SGCD: variants seen among roughly 807,000 people sequenced by gnomAD.
The protein encoded by SGCD is delta-sarcoglycan.
A neutral mutation model predicts 36.6 loss-of-function variants in SGCD; 18 were observed. The observed-to-expected ratio is 0.49, with a 90% CI of 0.34 to 0.73. The LOEUF (loss-of-function observed/expected upper bound fraction) is 0.73, where lower values mean the gene tolerates loss of function less well. SGCD is among the 30% of genes least tolerant of loss of function. The pLI is 0.01. For synonymous variants in SGCD, 133 were observed against 130.6 expected (o/e 1.02, Z -0.12); for missense variants, 387 against 346.7 (o/e 1.12, Z -0.92).
At chr5:156,705,661 A>G (rs1754711757) in intron 7 of SGCD, among the ~76,000 whole-genome samples, 1 of 152,172 alleles carries the variant, frequency 6.6e-6, no homozygotes, top group South Asian at 2.1e-4. Context: ...TATAGTCTGT[A>G]CTGATTAAGA....
intron 2 of SGCD, among the ~76,000 whole-genome samples, chr5:156,342,055 C>T (rs1768684342): frequency 1.3e-5 from 2 of 152,184 alleles, no homozygotes; most frequent in South Asian, 4.1e-4. Context: ...CTCTGATGTG[C>T]ATCCAGGGCT....
At chr5:156,642,415 C>T (rs1430085345) in intron 6 of SGCD, among the ~76,000 whole-genome samples, 6 of 151,664 alleles carry the variant, frequency 4.0e-5, no homozygotes, top group African/African-American at 1.5e-4. Context: ...TCTAGTCTCA[C>T]CACATGATAT....
At chr5:156,086,532 C>A (rs1761096224) in intron 1 of SGCD, among the ~76,000 whole-genome samples, 1 of 152,214 alleles carries the variant, frequency 6.6e-6, no homozygotes, top group Admixed American at 6.5e-5. Flanking sequence ...GGCTACATGA[C>A]TTGTTCTGAT....
intron 7 of SGCD, among the ~76,000 whole-genome samples, chr5:156,734,253 T>C (rs1694006408): frequency 6.6e-6 from 1 of 152,180 alleles, no homozygotes; most frequent in South Asian, 2.1e-4. Context: ...GGTCTTCTGT[T>C]AGTCTGATGG....
intron 7 of SGCD, among the ~76,000 whole-genome samples, chr5:156,729,243 T>C (rs919736217): frequency 6.6e-6 from 1 of 152,194 alleles, no homozygotes; most frequent in African/African-American, 2.4e-5. Context: ...TAAAGACTAG[T>C]ACACAATTAC....
chr5:156,287,709 A>G (rs1766648536), intron 3 of SGCD, among the ~76,000 whole-genome samples: 1 of 151,798 alleles, frequency 6.6e-6, no homozygotes, highest in Admixed American at 6.6e-5. Flanking sequence ...ATATTCATCG[A>G]TACACATACT....
At chr5:156,535,214 G>A (rs955823532) in intron 4 of SGCD, among the ~76,000 whole-genome samples, 6 of 152,132 alleles carry the variant, frequency 3.9e-5, no homozygotes, top group African/African-American at 1.2e-4. Context: ...TGATACCGGG[G>A]CTCTCTGCTT....
At chr5:156,455,296 T>G (rs561612456) in intron 3 of SGCD, among the ~76,000 whole-genome samples, 1 of 152,184 alleles carries the variant, frequency 6.6e-6, no homozygotes, top group African/African-American at 2.4e-5. Context: ...GGACGCAGGG[T>G]CCCTGGCTAC....
intron 1 of SGCD, among the ~76,000 whole-genome samples, chr5:155,924,497 G>A (rs1463726351): frequency 6.6e-6 from 1 of 152,184 alleles, no homozygotes; most frequent in African/African-American, 2.4e-5. Flanking sequence ...GATGGTCTTC[G>A]ATCTTAAAGA....
chr5:156,525,940 G>T (rs908439129), intron 4 of SGCD, among the ~76,000 whole-genome samples: 6 of 152,014 alleles, frequency 3.9e-5, no homozygotes, highest in African/African-American at 1.2e-4. Context: ...TTATCTATGT[G>T]TCTGTTTTTT....
At chr5:156,238,364 C>T (rs1239844807) in intron 3 of SGCD, among the ~76,000 whole-genome samples, 1 of 152,174 alleles carries the variant, frequency 6.6e-6, no homozygotes, top group Non-Finnish European at 1.5e-5. Flanking sequence ...GGATCCCTTT[C>T]CCTGGAGTGG....
At chr5:156,693,761 G>A (rs574667406) in intron 7 of SGCD, among the ~76,000 whole-genome samples, 1 of 152,268 alleles carries the variant, frequency 6.6e-6, no homozygotes, top group East Asian at 1.9e-4. Context: ...TTGACAGTCT[G>A]TAGGTGTTTA....
At chr5:156,472,898 G>T (rs1755032959) in intron 3 of SGCD, among the ~76,000 whole-genome samples, 1 of 152,152 alleles carries the variant, frequency 6.6e-6, no homozygotes, top group South Asian at 2.1e-4. Context: ...GATAGGAGGA[G>T]ACTTTGGAAA....
At chr5:156,304,670 A>G (rs973692838) in intron 3 of SGCD, among the ~76,000 whole-genome samples, 2 of 152,216 alleles carry the variant, frequency 1.3e-5, no homozygotes, top group African/African-American at 2.4e-5. Flanking sequence ...GAACTGGGTA[A>G]CAGGCAGAGG....
At chr5:155,845,848 G>A in the SGCD span, among the ~76,000 whole-genome samples, 1 of 152,184 alleles carries the variant, frequency 6.6e-6, no homozygotes, top group Non-Finnish European at 1.5e-5. Flanking sequence ...AGGACAGAAT[G>A]CTATCTGAAT....
intron 4 of SGCD, among the ~76,000 whole-genome samples, chr5:156,546,919 C>G (rs558253513): frequency 4.4e-4 from 67 of 152,214 alleles, no homozygotes; most frequent in Non-Finnish European, 8.2e-4. Flanking sequence ...GGAAAGGTAA[C>G]TAGATATAGT....
intron 1 of SGCD, among the ~76,000 whole-genome samples, chr5:156,085,249 C>T (rs1454008334): frequency 6.6e-6 from 1 of 151,810 alleles, no homozygotes; most frequent in Non-Finnish European, 1.5e-5. Flanking sequence ...AATATGTGTC[C>T]CCTCTAAATC....
intron 4 of SGCD, among the ~76,000 whole-genome samples, chr5:156,516,197 T>G (rs1757150239): frequency 6.6e-6 from 1 of 152,082 alleles, no homozygotes; most frequent in South Asian, 2.1e-4. Flanking sequence ...AAGTGGCTGA[T>G]CCCATGCCTC....
chr5:156,455,604 C>G (rs1243951832), intron 3 of SGCD, among the ~76,000 whole-genome samples: 1 of 152,140 alleles, frequency 6.6e-6, no homozygotes, highest in Non-Finnish European at 1.5e-5. Context: ...CTGCTGACCA[C>G]CTGACCCTTG....
Sources: allele counts gnomAD v4.1 joint callset (sites outside exome capture counted in the v4.1 genomes callset), GRCh38; gene constraint gnomAD v4.1.1; transcripts MANE v1.5; gene names NCBI Gene and HGNC (gene_info 2026-07-23, HGNC 2026-07-21).